Variants in NHS observed in about 807,000 individuals in gnomAD.
NHS encodes the protein NHS actin remodeling regulator, also known as actin remodeling regulator NHS.
In NHS, 5 loss-of-function variants were observed where a neutral mutation model predicts 72.5. The ratio of observed to expected loss-of-function variants is 0.07; its 90% CI spans 0.04 to 0.14. The LOEUF (loss-of-function observed/expected upper bound fraction) is 0.14, where lower values mean the gene tolerates loss of function less well. Ranked by LOEUF, NHS falls within the 10% of genes least tolerant of loss-of-function variation. NHS has a pLI of 1.00. For missense variants in NHS, 1,072 were observed against 1,355.7 expected, an observed-to-expected ratio of 0.79 and a Z score of 3.29; for synonymous variants, 464 against 547.7, an observed-to-expected ratio of 0.85 and a Z score of 2.13.
intron 1 of NHS, among the ~76,000 whole-genome samples, chrX:17,623,965 T>C (rs748145242): frequency 2.2e-4 from 25 of 112,907 alleles, no homozygotes; most frequent in Non-Finnish European, 3.7e-4. Flanking sequence ...GGAATTATCA[T>C]TGGAGTTGTA....
chrX:17,571,268 G>A (rs915324941), intron 1 of NHS, among the ~76,000 whole-genome samples: 2 of 112,127 alleles, frequency 1.8e-5, no homozygotes, highest in African/African-American at 3.2e-5. Context: ...TTGTACCTCT[G>A]GTAGAATTCG....
chrX:17,526,984 G>C (rs2065176406), intron 1 of NHS, among the ~76,000 whole-genome samples: 2 of 112,373 alleles, frequency 1.8e-5, no homozygotes, highest in Admixed American at 9.4e-5. Flanking sequence ...ATAATCAAGT[G>C]AAGGAATTTA....
At chrX:17,646,828 T>C (rs941752899) in intron 1 of NHS, among the ~76,000 whole-genome samples, 2 of 112,303 alleles carry the variant, frequency 1.8e-5, no homozygotes, top group African/African-American at 6.5e-5. Context: ...TACAGACCAA[T>C]ATATTTTCTT....
intron 1 of NHS, among the ~76,000 whole-genome samples, chrX:17,647,615 A>G (rs2065911919): frequency 8.9e-6 from 1 of 112,190 alleles, no homozygotes; most frequent in African/African-American, 3.2e-5. Context: ...TACAAAACTG[A>G]CCCCATATTC....
intron 1 of NHS, among the ~76,000 whole-genome samples, chrX:17,395,832 A>G (rs1271582837): frequency 8.9e-6 from 1 of 112,473 alleles, no homozygotes. Flanking sequence ...GCAAAAGTAA[A>G]TAACAGAAAA....
chrX:17,623,647 C>T (rs746075816), intron 1 of NHS, among the ~76,000 whole-genome samples: 13 of 111,753 alleles, frequency 1.2e-4, no homozygotes, highest in Admixed American at 9.5e-5. Context: ...CTGACAGGAA[C>T]CTAGGGTATT....
At chrX:17,376,386 C>G (rs2064347733) in intron 1 of NHS, 64 bp downstream of exon 1, 1 of 1,011,780 alleles carries the variant, frequency 9.9e-7, no homozygotes, top group Non-Finnish European at 1.3e-6. Flanking sequence ...CGCGCCCTCC[C>G]CAGCAGCGGC....
At position 17,653,109 on chromosome X, in the gene NHS, T is replaced by TA. The variant is rs767104174; in HGVS notation, c.566-34626dup. Among the ~76,000 whole-genome samples the TA allele has an allele frequency of 2.1e-3, 232 of 111,568 alleles. 1 individual carries two copies. The Middle Eastern group carries it at 0.033, about 16-fold the overall frequency. The stretch of plus-strand genomic sequence containing the variant: ...CCACCATACAGGGGATAGGGGGACC[T>TA]AAAAAAATGCAATATGAGCATTATG... On this transcript the variant is annotated intron_variant, in intron 1 of 8. Transcript: ENST00000676302.
At chrX:17,499,252 T>A (rs898000404) in intron 1 of NHS, among the ~76,000 whole-genome samples, 2 of 111,108 alleles carry the variant, frequency 1.8e-5, no homozygotes, top group Non-Finnish European at 3.8e-5. Flanking sequence ...TTCATTGGCC[T>A]ATTTGGGGAG....
At chrX:17,398,657 A>T (rs1253632392) in intron 1 of NHS, among the ~76,000 whole-genome samples, 1 of 112,005 alleles carries the variant, frequency 8.9e-6, no homozygotes, top group Admixed American at 9.5e-5. Context: ...AAGTCACCTG[A>T]GAACTGACTG....
intron 1 of NHS, among the ~76,000 whole-genome samples, chrX:17,532,755 A>G (rs1175040075): frequency 9.0e-6 from 1 of 111,452 alleles, no homozygotes; most frequent in African/African-American, 3.3e-5. Context: ...GTGTGCCTCG[A>G]TGGATTGATT....
chrX:17,628,562 G>A (rs747925033), intron 1 of NHS, among the ~76,000 whole-genome samples: 34 of 113,142 alleles, frequency 3.0e-4, no homozygotes, highest in Non-Finnish European at 5.6e-4. Context: ...AGTGACAGAC[G>A]TTTCCTGTGG....
rs188971733 is a variant in NHS, at chrX:17,421,505, A to G, written c.565+45183A>G. The stretch of plus-strand genomic sequence containing the variant: ...GAACAAGTGGTGTTAACATAAGTCT[A>G]CCTGTTGAAAACAATGGTTTTAAAC... On this transcript the variant is annotated intron_variant, in intron 1 of 8. Transcript: ENST00000676302. Among the ~76,000 whole-genome samples, 148 of 111,719 alleles carry G rather than the reference A, an allele frequency of 1.3e-3. 1 individual carries two copies. Among genetic ancestry groups the G allele is most frequent in the African/African-American group, 4.4e-3 (137 of 30,855 alleles).
chrX:17,557,715 G>GC (rs1016977506), intron 1 of NHS, among the ~76,000 whole-genome samples: 26 of 111,125 alleles, frequency 2.3e-4, no homozygotes, highest in African/African-American at 7.3e-4. Context: ...CTCAACTGGG[G>GC]TGGATTTGCT....
chrX:17,397,100 G>GCTTT (rs1046584830), intron 1 of NHS, among the ~76,000 whole-genome samples: 2 of 112,837 alleles, frequency 1.8e-5, no homozygotes, highest in Non-Finnish European at 3.7e-5. Context: ...GGAAGCAAAA[G>GCTTT]CTTTAAAGGA....
chrX:17,499,042 G>A (rs1381711189), intron 1 of NHS, among the ~76,000 whole-genome samples: 1 of 112,049 alleles, frequency 8.9e-6, no homozygotes, highest in African/African-American at 3.2e-5. Flanking sequence ...ATGCCATGAA[G>A]TTGATGAAAA....
At chrX:17,563,156 G>A (rs759730415) in intron 1 of NHS, among the ~76,000 whole-genome samples, 2 of 112,715 alleles carry the variant, frequency 1.8e-5, no homozygotes, top group South Asian at 7.2e-4. Flanking sequence ...CAATGCAGAA[G>A]AAACTGACAG....
At chrX:17,415,899 G>T (rs2064591620) in intron 1 of NHS, among the ~76,000 whole-genome samples, 1 of 111,571 alleles carries the variant, frequency 9.0e-6, no homozygotes, top group African/African-American at 3.3e-5. Flanking sequence ...GCATGGGCTC[G>T]CTCTGGGTAC....
At position 17,662,649 on chromosome X, in the gene NHS, A is replaced by G. The variant is rs2065987841; in HGVS notation, c.566-25093A>G. 1.8e-5 allele frequency among the ~76,000 whole-genome samples: 2 copies of G among 111,865 alleles called. 1 individual carries two copies. Among genetic ancestry groups the G allele is most frequent in the South Asian group, 7.5e-4 (2 of 2,651 alleles). On this transcript the variant is annotated intron_variant, in intron 1 of 8. Coordinates refer to ENST00000676302, the MANE Select transcript of NHS (RefSeq NM_001291867.2). ...TAGGTGGTTCAGCGCTCTTATCTAG[A>G]CCTTTCCAATAGCGTCTGATAATGC... is the stretch of plus-strand genomic sequence containing the variant.
Sources: gnomAD v4.1 joint callset for allele counts (sites outside exome capture counted in the v4.1 genomes callset) on GRCh38, gnomAD v4.1.1 for gene constraint, MANE v1.5 for transcripts, NCBI Gene and HGNC (gene_info 2026-07-23, HGNC 2026-07-21) for gene names.